BID: variants seen among roughly 807,000 people sequenced by gnomAD.
BID encodes the protein BH3 interacting domain death agonist.
Under a neutral mutation model 17.4 loss-of-function variants are expected in BID, and 19 were observed. That is an observed-to-expected ratio of 1.09 (90% CI 0.76 to 1.60). The LOEUF (loss-of-function observed/expected upper bound fraction) is 1.60. Ranked by LOEUF, BID falls within the 40% of genes most tolerant of loss-of-function variation. BID has a pLI of 0.00. For missense variants in BID, 226 were observed against 256.0 expected, an observed-to-expected ratio of 0.88 and a Z score of 0.80; for synonymous variants, 108 against 102.8, an observed-to-expected ratio of 1.05 and a Z score of -0.31.
In BID at chr22:17,773,716, C is replaced by G; in HGVS notation, c.-59+665G>C. ...CGTATTTGTTGAATGAATGAATGAA[C>G]CCTTGCCAGCCCAGCCACTTGGTGG... is the stretch of plus-strand genomic sequence containing the variant. On this transcript the variant is annotated intron_variant, in intron 1 of 5. Transcript: ENST00000622694. This position sits in a 1 kb window ranked among gnomAD's most constrained non-coding sequence, Gnocchi z 4.4. The G allele has an allele frequency of 6.2e-7, 1 of 1,600,106 alleles. No homozygotes were observed. Among genetic ancestry groups the G allele is most frequent in the Non-Finnish European group, 8.5e-7 (1 of 1,177,596 alleles).
At chr22:17,770,941 C>A (rs777865058) in intron 1 of BID, among the ~76,000 whole-genome samples, 4 of 152,162 alleles carry the variant, frequency 2.6e-5, no homozygotes, top group Non-Finnish European at 5.9e-5. Flanking sequence ...CCAGACTGAG[C>A]CGCAGCCCCA....
chr22:17,739,728 G>A, intron 3 of BID: 1 of 593,224 alleles, frequency 1.7e-6, no homozygotes, highest in Non-Finnish European at 3.0e-6. Context: ...CCGCACACAG[G>A]CACCACGTCC....
chr22:17,741,355 C>T (rs1468015941), intron 3 of BID, among the ~76,000 whole-genome samples: 2 of 152,162 alleles, frequency 1.3e-5, no homozygotes, highest in Non-Finnish European at 2.9e-5. Flanking sequence ...CATCACTTCT[C>T]TTCAAAACCT....
chr22:17,757,292 G>C (rs1447400442), intron 1 of BID, among the ~76,000 whole-genome samples: 2 of 150,266 alleles, frequency 1.3e-5, no homozygotes, highest in Non-Finnish European at 2.9e-5. Flanking sequence ...GCGTGTGCCT[G>C]TAGTCCCAGC....
At position 17,769,267 on chromosome 22, in the gene BID, G is replaced by C; in HGVS notation, c.-59+5114C>G. On this transcript the variant is annotated intron_variant, in intron 1 of 5. Coordinates refer to ENST00000622694, the MANE Select transcript of BID (RefSeq NM_001196.4). This position sits in a 1 kb window ranked among gnomAD's most constrained non-coding sequence, Gnocchi z 4.8. ...AGGGGCTGATGACCCAGGAGCGGCTGGCTGCTGGTGTGAGTACACGGGTGA... is the reference window on the plus strand; with the variant it reads ...AGGGGCTGATGACCCAGGAGCGGCTCGCTGCTGGTGTGAGTACACGGGTGA... Among the ~76,000 whole-genome samples the C allele has an allele frequency of 6.6e-6, 1 of 152,210 alleles. No homozygotes were observed.
At chr22:17,766,974 A>G (rs910561069) in intron 1 of BID, among the ~76,000 whole-genome samples, 4 of 152,016 alleles carry the variant, frequency 2.6e-5, no homozygotes, top group Non-Finnish European at 5.9e-5. Context: ...CTGTAATCCC[A>G]GCACTCTGGG....
At position 17,750,125 on chromosome 22, in the gene BID, C is replaced by T; in HGVS notation, c.-9G>A. The stretch of plus-strand genomic sequence containing the variant: ...CTGACCTCACAGTCCATGGCCTGGG[C>T]AGCGCGGCAGCTCCGACTCACTCCT... On this transcript the variant is annotated 5_prime_UTR_variant, in exon 2 of 6. Coordinates refer to ENST00000622694, the MANE Select transcript of BID (RefSeq NM_001196.4). 6.2e-7 allele frequency: 1 copy of T among 1,613,286 alleles called. No homozygotes were observed. The highest frequency in any genetic ancestry group is 1.1e-5 in the South Asian group (1 of 91,000).
chr22:17,740,201 G>T, intron 3 of BID: 1 of 1,602,220 alleles, frequency 6.2e-7, no homozygotes, highest in Non-Finnish European at 8.5e-7. Flanking sequence ...GCTCCCTAAG[G>T]GCTGTGATTT....
Position 17,750,057 on chromosome 22 carries a change from C to G in BID, c.12+48G>C, listed in dbSNP as rs374511071. The G allele has an allele frequency of 3.5e-5, 56 of 1,584,290 alleles. No homozygotes were observed. In the African/African-American group the frequency reaches 5.6e-4, roughly 16 times the overall value. ...GTGGGGGACACGCAGGCCCTTACCCCTCGACCCCGCCCCCCACAAGGCACC... is the reference window on the plus strand; with the variant it reads ...GTGGGGGACACGCAGGCCCTTACCCGTCGACCCCGCCCCCCACAAGGCACC... On this transcript the variant is annotated intron_variant, in intron 2 of 5. Coordinates refer to ENST00000622694, the MANE Select transcript of BID (RefSeq NM_001196.4).
intron 2 of BID, among the ~76,000 whole-genome samples, chr22:17,748,347 A>T (rs1388560880): frequency 1.3e-5 from 2 of 150,202 alleles, no homozygotes; most frequent in Admixed American, 6.7e-5. Flanking sequence ...GTCTTTACTA[A>T]GATACAAAAA....
chr22:17,737,582 G>T (rs567753639), intron 5 of BID, among the ~76,000 whole-genome samples: 1 of 151,864 alleles, frequency 6.6e-6, no homozygotes, highest in Non-Finnish European at 1.5e-5. Context: ...CTGACCTCAG[G>T]TGATCCACCT....
chr22:17,772,433 G>C (rs1369035769), intron 1 of BID, among the ~76,000 whole-genome samples: 3 of 152,238 alleles, frequency 2.0e-5, no homozygotes, highest in Non-Finnish European at 2.9e-5. Context: ...GTCAACGACA[G>C]GAAGCATTTC....
intron 1 of BID, among the ~76,000 whole-genome samples, chr22:17,761,667 G>A (rs956701338): frequency 2.0e-5 from 3 of 151,972 alleles, no homozygotes; most frequent in Admixed American, 6.6e-5. Context: ...TCCTGACATC[G>A]TCGTGATCCA....
chr22:17,773,757 C>A lies in BID; in HGVS notation c.-59+624G>T, dbSNP rs1569057134. The A allele has an allele frequency of 1.3e-6, 2 of 1,505,162 alleles. No individual in the cohort carries two copies. Among genetic ancestry groups the A allele is most frequent in the Non-Finnish European group, 1.8e-6 (2 of 1,104,170 alleles). 93.2% of individuals were successfully genotyped at this position (1,505,162 alleles called of 1,614,324 possible). ...CACTTGGTGGCTGAGGGCTTCAGAG[C>A]TCTCCCAGGGTCCCCTGGGGTCATT... On this transcript the variant is annotated intron_variant, in intron 1 of 5. Coordinates refer to ENST00000622694, the MANE Select transcript of BID (RefSeq NM_001196.4). This position sits in a 1 kb window ranked among gnomAD's most constrained non-coding sequence, Gnocchi z 4.4.
rs148333079 is a variant in BID at position 17,773,378 on chromosome 22, C to G, written c.-59+1003G>C. 4.6e-5 allele frequency among the ~76,000 whole-genome samples: 7 copies of G among 152,268 alleles called. No homozygotes were observed. Among genetic ancestry groups the G allele is most frequent in the East Asian group, 1.9e-4 (1 of 5,168 alleles). On this transcript the variant is annotated intron_variant, in intron 1 of 5. Transcript: ENST00000622694. This position sits in a 1 kb window ranked among gnomAD's most constrained non-coding sequence, Gnocchi z 4.4. Reference sequence around the variant, plus strand: ...ACATTCAGGCCCAGGAGAGCTCCCCCCATCTCAAAGCCTCCTGTGGGTGGA... The same window carrying G: ...ACATTCAGGCCCAGGAGAGCTCCCCGCATCTCAAAGCCTCCTGTGGGTGGA...
At chr22:17,746,236 C>T (rs73876500) in intron 2 of BID, among the ~76,000 whole-genome samples, 5,174 of 139,844 alleles carry the variant, frequency 0.037, 132 homozygotes, top group East Asian at 0.084. Context: ...GAGGCGGGGG[C>T]GGGGGAGCGC....
rs2061700071 is a variant in BID, at chr22:17,769,047, A to T, written c.-59+5334T>A. ...ACAGAGTGAGACTCGTCTCAAAAATAAATAAATAAATAAATAAATAAATAA... is the reference window on the plus strand; with the variant it reads ...ACAGAGTGAGACTCGTCTCAAAAATTAATAAATAAATAAATAAATAAATAA... On this transcript the variant is annotated intron_variant, in intron 1 of 5. Transcript: ENST00000622694. This position sits in a 1 kb window ranked among gnomAD's most constrained non-coding sequence, Gnocchi z 4.8. 1.0e-5 allele frequency among the ~76,000 whole-genome samples: 1 copy of T among 95,656 alleles called. No homozygotes were observed. Among genetic ancestry groups the T allele is most frequent in the Admixed American group, 1.1e-4 (1 of 8,882 alleles). The allele number at this position is 95,656 out of a possible 152,430, so 62.8% of individuals were successfully genotyped here.
intron 5 of BID, among the ~76,000 whole-genome samples, chr22:17,736,576 T>G (rs1452129673): frequency 6.6e-6 from 1 of 152,152 alleles, no homozygotes; most frequent in Admixed American, 6.5e-5. Context: ...TTTTGCTACA[T>G]GGGGGCAGCT....
chr22:17,756,513 TG>T, intron 1 of BID, among the ~76,000 whole-genome samples: 9 of 150,270 alleles, frequency 6.0e-5, no homozygotes, highest in Middle Eastern at 3.4e-3. Context: ...TCTTTCTGTC[TG>T]TCTCTCTCTT....
Sources: gnomAD v4.1 joint callset for allele counts (sites outside exome capture counted in the v4.1 genomes callset) on GRCh38, gnomAD v4.1.1 for gene constraint, Gnocchi (gnomAD v3.1) non-coding constraint, MANE v1.5 for transcripts, NCBI Gene and HGNC (gene_info 2026-07-23, HGNC 2026-07-21) for gene names.